The following PCDHGA7 variants were observed in gnomAD, a reference collection of about 807,000 sequenced individuals.
PCDHGA7 encodes protocadherin gamma subfamily A, 7.
A neutral mutation model predicts 58.3 loss-of-function variants in PCDHGA7; 44 were observed. That is an observed-to-expected ratio of 0.75 (90% confidence interval 0.59 to 0.97). PCDHGA7 has a LOEUF of 0.97. Ranked by LOEUF, PCDHGA7 falls within the 50% of genes least tolerant of loss-of-function variation. The pLI is 0.00. For missense variants in PCDHGA7, 1,266 were observed against 1,188.7 expected (o/e 1.06, Z -0.96); for synonymous variants, 516 against 504.2 (o/e 1.02, Z -0.31).
At chr5:141,428,727 A>G (rs1348450181) in intron 1 of PCDHGA7, 1 of 160,588 alleles carries the variant, frequency 6.2e-6, no homozygotes, top group Non-Finnish European at 1.4e-5. Context: ...AAAATCTTAA[A>G]CATATTATAT....
chr5:141,492,125 C>T (rs1284932830), intron 1 of PCDHGA7, among the ~76,000 whole-genome samples: 1 of 152,222 alleles, frequency 6.6e-6, no homozygotes, highest in Non-Finnish European at 1.5e-5. Context: ...TTCTCCCCAG[C>T]TCCCAGCATC....
rs766182165 is a variant in PCDHGA7 at position 141,478,048 on chromosome 5, C to T, written c.2425-16759C>T. ...ACACAGATTCACCCAGGCAGACTCT[C>T]ACGGTCTTGATCAAAGACAATGGGG... On this transcript the variant is annotated intron_variant, in intron 1 of 3. Transcript: ENST00000518325. 5.6e-6 allele frequency: 9 copies of T among 1,614,040 alleles called. No homozygotes were observed. In the Admixed American group the frequency reaches 1.0e-4, roughly 18 times the overall value.
intron 1 of PCDHGA7, chr5:141,414,451 G>C (rs1390702349): frequency 1.9e-6 from 3 of 1,613,874 alleles, no homozygotes; most frequent in Non-Finnish European, 2.5e-6. Context: ...CAATATCACA[G>C]TGACAGCCAC....
At chr5:141,391,974 C>T (rs2092450559) in intron 1 of PCDHGA7, 1 of 152,032 alleles carries the variant, frequency 6.6e-6, no homozygotes. Flanking sequence ...AATAAAATAG[C>T]AAAACAATGT....
Position 141,505,374 on chromosome 5 carries a change from C to T in PCDHGA7, c.2484-19C>T. The T allele has an allele frequency of 2.5e-6, 4 of 1,614,004 alleles. No homozygotes were observed. Among genetic ancestry groups the T allele is most frequent in the Non-Finnish European group, 2.5e-6 (3 of 1,179,944 alleles). On this transcript the variant is annotated intron_variant, in intron 2 of 3. Coordinates refer to ENST00000518325, the MANE Select transcript of PCDHGA7 (RefSeq NM_018920.4). Reference sequence around the variant, plus strand: ...TGCCGGCCTGGGAGTCTGTGCTCACCATCCTACTCTCTCCCCAGCTCCCAA... The same window carrying T: ...TGCCGGCCTGGGAGTCTGTGCTCACTATCCTACTCTCTCCCCAGCTCCCAA...
At chr5:141,500,370 G>C (rs766183384) in intron 2 of PCDHGA7, among the ~76,000 whole-genome samples, 1 of 151,644 alleles carries the variant, frequency 6.6e-6, no homozygotes, top group Non-Finnish European at 1.5e-5. Flanking sequence ...TACCACGCCC[G>C]GCTAATTATT....
At chr5:141,435,941 A>G (rs1354198135) in intron 1 of PCDHGA7, among the ~76,000 whole-genome samples, 1 of 152,170 alleles carries the variant, frequency 6.6e-6, no homozygotes, top group Non-Finnish European at 1.5e-5. Flanking sequence ...TGCTTCTGAG[A>G]CCAAAAAAGG....
intron 1 of PCDHGA7, chr5:141,420,927 G>A (rs1257204379): frequency 2.8e-6 from 1 of 362,530 alleles, no homozygotes; most frequent in Non-Finnish European, 5.0e-6. Context: ...ACAAAGGTGA[G>A]CGTAATCATT....
In PCDHGA7 at chr5:141,395,071, A is replaced by G. The variant is rs767254764; in HGVS notation, c.2424+9748A>G. 27 of 1,614,100 alleles carry G rather than the reference A, an allele frequency of 1.7e-5. No individual in the cohort carries two copies. Among genetic ancestry groups the G allele is most frequent in the East Asian group, 2.2e-5 (1 of 44,880 alleles). The stretch of plus-strand genomic sequence containing the variant: ...GAGGTACAGGCTTTCCTGCAGACCT[A>G]TTCCCAGGAAGTCTCCCTCACCGCC... On this transcript the variant is annotated intron_variant, in intron 1 of 3. Transcript: ENST00000518325.
rs1001555249 is a variant in PCDHGA7, at chr5:141,486,728, G to A, written c.2425-8079G>A. The A allele has an allele frequency of 1.2e-6, 2 of 1,614,200 alleles. No homozygotes were observed. The highest frequency in any genetic ancestry group is 1.7e-6 in the Non-Finnish European group (2 of 1,180,052). On this transcript the variant is annotated intron_variant, in intron 1 of 3. Transcript: ENST00000518325. This position sits in a 1 kb window ranked among gnomAD's most constrained non-coding sequence, Gnocchi z 5.0. Reference sequence around the variant, plus strand: ...GAACCCCCAGACAGGAGCTGTTCATGCTACTCGATCCTTTGACTATGAGCA... The same window carrying A: ...GAACCCCCAGACAGGAGCTGTTCATACTACTCGATCCTTTGACTATGAGCA...
At chr5:141,475,980 C>T (rs758066578) in intron 1 of PCDHGA7, 45 of 1,028,498 alleles carry the variant, frequency 4.4e-5, no homozygotes, top group Non-Finnish European at 6.2e-5. Flanking sequence ...ACTGAACAGC[C>T]GGCGAGCAAA....
chr5:141,487,058 C>T lies in PCDHGA7; in HGVS notation c.2425-7749C>T, dbSNP rs775720601. 23 of 1,613,980 alleles carry T rather than the reference C, an allele frequency of 1.4e-5. No individual in the cohort carries two copies. The highest frequency in any genetic ancestry group is 1.0e-4 in the Admixed American group (6 of 59,996). ...AGTCTCTCGATATGCTGGGGAGGTGCGGACGGCTGTTCCTATCCCAGCTGA... is the reference window on the plus strand; with the variant it reads ...AGTCTCTCGATATGCTGGGGAGGTGTGGACGGCTGTTCCTATCCCAGCTGA... On this transcript the variant is annotated intron_variant, in intron 1 of 3. Transcript: ENST00000518325. The surrounding 1 kb of genome is among the most constrained non-coding windows in gnomAD (Gnocchi z 5.0).
At chr5:141,475,161 A>G (rs1433985907) in intron 1 of PCDHGA7, among the ~76,000 whole-genome samples, 1 of 152,138 alleles carries the variant, frequency 6.6e-6, no homozygotes, top group Non-Finnish European at 1.5e-5. Context: ...CTTCTTCATT[A>G]GCAGTGCAAC....
In PCDHGA7 at chr5:141,415,753, T is replaced by G. The variant is rs763784703; in HGVS notation, c.2424+30430T>G. On this transcript the variant is annotated intron_variant, in intron 1 of 3. Transcript: ENST00000518325. The stretch of plus-strand genomic sequence containing the variant: ...ATGTTTATTAAGGTTTTTTTTTTTT[T>G]TTTTTTTTTTTTTTTTTTTACTTTC... 6.3e-5 allele frequency: 87 copies of G among 1,381,374 alleles called. 1 individual carries two copies. The highest frequency in any genetic ancestry group is 3.3e-4 in the Admixed American group (10 of 29,906). 85.6% of individuals were successfully genotyped at this position (1,381,374 alleles called of 1,614,324 possible).
intron 1 of PCDHGA7, among the ~76,000 whole-genome samples, chr5:141,466,863 C>A (rs1409042461): frequency 1.3e-5 from 2 of 152,070 alleles, no homozygotes; most frequent in African/African-American, 4.8e-5. Context: ...ATTTTGAAAT[C>A]CACACATTTT....
chr5:141,417,869 A>C, intron 1 of PCDHGA7: 2 of 1,553,552 alleles, frequency 1.3e-6, no homozygotes, highest in South Asian at 2.4e-5. Context: ...GATGGGAGGG[A>C]GCTGCGCGCA....
chr5:141,487,921 A>G lies in PCDHGA7; in HGVS notation c.2425-6886A>G, dbSNP rs17097340. On this transcript the variant is annotated intron_variant, in intron 1 of 3. Coordinates refer to ENST00000518325, the MANE Select transcript of PCDHGA7 (RefSeq NM_018920.4). This position sits in a 1 kb window ranked among gnomAD's most constrained non-coding sequence, Gnocchi z 5.0. ...GGAATGTGGGAGCACAGGAGGCTAC[A>G]GTGCACAGGGTACAGTGCACCAGGC... 0.15 allele frequency: 93,556 copies of G among 639,124 alleles called. 7,160 individuals carry two copies. The highest frequency in any genetic ancestry group is 0.21 in the African/African-American group (11,270 of 54,532). 39.6% of individuals were successfully genotyped at this position (639,124 alleles called of 1,614,324 possible).
At chr5:141,416,652 A>T (rs1028914487) in intron 1 of PCDHGA7, 1 of 152,240 alleles carries the variant, frequency 6.6e-6, no homozygotes, top group Non-Finnish European at 1.5e-5. Context: ...ACAGCTGTAA[A>T]AAAGAAAAGA....
intron 1 of PCDHGA7, chr5:141,426,748 C>T: frequency 2.2e-6 from 1 of 455,172 alleles, no homozygotes; most frequent in African/African-American, 2.0e-5. Context: ...GGCCTGGAAT[C>T]TGCTATAGAT....
Sources: allele counts gnomAD v4.1 joint callset (sites outside exome capture counted in the v4.1 genomes callset), GRCh38; gene constraint gnomAD v4.1.1; non-coding constraint Gnocchi (gnomAD v3.1); transcripts MANE v1.5; gene names NCBI Gene and HGNC (gene_info 2026-07-23, HGNC 2026-07-21).